Variants in TTC39C observed in about 807,000 individuals in gnomAD.
The protein encoded by TTC39C is tetratricopeptide repeat domain 39C.
In TTC39C, 33 loss-of-function variants were observed where a neutral mutation model predicts 76.3. The observed-to-expected ratio is 0.43, with a 90% CI of 0.33 to 0.58. TTC39C has a LOEUF of 0.58. Ranked by LOEUF, TTC39C falls within the 20% of genes least tolerant of loss-of-function variation. TTC39C has a pLI of 0.04. For synonymous variants in TTC39C, 254 were observed against 260.6 expected, an observed-to-expected ratio of 0.97 and a Z score of 0.24; for missense variants, 595 against 701.4, an observed-to-expected ratio of 0.85 and a Z score of 1.71.
chr18:24,052,199 A>T (rs1186024886), intron 1 of TTC39C, among the ~76,000 whole-genome samples: 1 of 152,172 alleles, frequency 6.6e-6, no homozygotes, highest in East Asian at 1.9e-4. Context: ...GTGACAAGGG[A>T]TGATGACGTG....
chr18:24,009,388 C>T (rs2083378992), intron 1 of TTC39C, among the ~76,000 whole-genome samples: 1 of 152,130 alleles, frequency 6.6e-6, no homozygotes, highest in Non-Finnish European at 1.5e-5. Flanking sequence ...ACGGCCTCTC[C>T]CTCTGCAGAA....
rs755033667 is a variant in TTC39C at position 24,123,861 on chromosome 18, A to G, written c.1214A>G (p.Asp405Gly). The G allele has an allele frequency of 2.5e-6, 4 of 1,612,004 alleles. No individual in the cohort carries two copies. The highest frequency in any genetic ancestry group is 1.1e-5 in the South Asian group (1 of 90,942). ...AVCQGATGDV[D>G]GAQIVFKEVQ... ...TGTCAGGGAGCCACTGGTGATGTGG[A>G]TGGGGCACAGATTGTCTTTAAAGAA... The change falls in exon 9 of 14, where the codon GAT (aspartate) becomes GGT (glycine). Residue 405 changes from aspartate (D) to glycine (G), a missense_variant. Physicochemically the swap from Asp to Gly is moderately conservative, Grantham distance 94 (BLOSUM62 -1). Coordinates refer to ENST00000317571, the MANE Select transcript of TTC39C (RefSeq NM_001135993.2).
intron 12 of TTC39C, among the ~76,000 whole-genome samples, chr18:24,131,017 C>T (rs1475255216): frequency 2.0e-5 from 1 of 50,560 alleles, no homozygotes; most frequent in Non-Finnish European, 3.5e-5. Context: ...AACCTCATCT[C>T]TGCAAAAAAA....
intron 6 of TTC39C, among the ~76,000 whole-genome samples, chr18:24,104,994 G>T (rs1197484140): frequency 6.6e-6 from 1 of 151,336 alleles, no homozygotes; most frequent in Non-Finnish European, 1.5e-5. Context: ...TTGATCAAAA[G>T]ATTGATAGAA....
chr18:24,069,427 A>C (rs896018197), intron 4 of TTC39C, among the ~76,000 whole-genome samples, 156 bp downstream of exon 4: 1 of 152,170 alleles, frequency 6.6e-6, no homozygotes, highest in African/African-American at 2.4e-5. Context: ...TGAAACCACA[A>C]GTGTTTAATG....
intron 1 of TTC39C, among the ~76,000 whole-genome samples, chr18:24,023,974 A>ATCTATATCTATATCTATATCTATATC (rs1568408929): frequency 6.8e-5 from 1 of 14,768 alleles, no homozygotes; most frequent in Non-Finnish European, 1.7e-4. Context: ...ATATATATAT[A>ATCTATATCTATATCTATATCTATATC]TATATACATA....
At chr18:24,001,833 T>TTTTG (rs1352560242) in intron 1 of TTC39C, among the ~76,000 whole-genome samples, 1 of 25,272 alleles carries the variant, frequency 4.0e-5, no homozygotes, top group African/African-American at 7.6e-5. Flanking sequence ...GTTTTTTTTT[T>TTTTG]TTTTTTTTTT....
chr18:23,998,748 A>G (rs888450947), intron 1 of TTC39C, among the ~76,000 whole-genome samples: 8 of 152,328 alleles, frequency 5.3e-5, no homozygotes, highest in Admixed American at 5.2e-4. Context: ...TGCTGCACAG[A>G]AGTGGTATAT....
intron 6 of TTC39C, among the ~76,000 whole-genome samples, chr18:24,109,601 G>A (rs2145802165): frequency 6.6e-6 from 1 of 152,298 alleles, no homozygotes; most frequent in East Asian, 1.9e-4. Flanking sequence ...ATAGTTCAGA[G>A]CACAGGAAAT....
intron 11 of TTC39C, among the ~76,000 whole-genome samples, chr18:24,129,819 C>G (rs908918139): frequency 4.6e-5 from 7 of 150,584 alleles, no homozygotes; most frequent in African/African-American, 1.7e-4. Flanking sequence ...ATAGGAGACT[C>G]TTGGCTTTTA....
intron 1 of TTC39C, chr18:24,020,018 T>A: frequency 7.1e-7 from 1 of 1,415,444 alleles, no homozygotes; most frequent in Non-Finnish European, 9.1e-7. Flanking sequence ...CTGTCCATGA[T>A]TTCTAGACAA....
At chr18:24,052,097 TAGAGA>T (rs1351772744) in intron 1 of TTC39C, among the ~76,000 whole-genome samples, 3 of 152,282 alleles carry the variant, frequency 2.0e-5, no homozygotes, top group Middle Eastern at 6.8e-3. Flanking sequence ...AAAAGAATAC[TAGAGA>T]AGAGAAGATC....
chr18:24,130,746 C>G (rs1156711278), intron 12 of TTC39C, among the ~76,000 whole-genome samples: 4 of 151,972 alleles, frequency 2.6e-5, no homozygotes, highest in African/African-American at 4.8e-5. Context: ...ACTACACAAC[C>G]AGGCTGTATC....
At chr18:24,100,650 T>C (rs1292013135) in intron 6 of TTC39C, among the ~76,000 whole-genome samples, 5 of 152,206 alleles carry the variant, frequency 3.3e-5, no homozygotes, top group Non-Finnish European at 7.3e-5. Flanking sequence ...TGTGTGGCAT[T>C]GTAGAGAGAA....
Position 24,133,238 on chromosome 18 carries a change from A to T in TTC39C, c.*664A>T, listed in dbSNP as rs1390344218. On this transcript the variant is annotated 3_prime_UTR_variant, in exon 14 of 14. Transcript: ENST00000317571. Reference sequence around the variant, plus strand: ...ATTCATGTTAATAGGCCAGAATTCCATGTTTTACTTATTAAAAGAACAAAA... The same window carrying T: ...ATTCATGTTAATAGGCCAGAATTCCTTGTTTTACTTATTAAAAGAACAAAA... 6.6e-6 allele frequency: 1 copy of T among 152,216 alleles called. No homozygotes were observed. The allele number at this position is 152,216 out of a possible 1,614,324, so 9.4% of individuals were successfully genotyped here.
At chr18:24,022,743 G>C (rs1234552683) in intron 1 of TTC39C, 1 of 985,238 alleles carries the variant, frequency 1.0e-6, no homozygotes, top group Non-Finnish European at 1.2e-6. Flanking sequence ...CAGCCTCCTG[G>C]CCTGGCCTCC....
At chr18:24,025,343 G>A (rs1372891310) in intron 1 of TTC39C, among the ~76,000 whole-genome samples, 1 of 152,162 alleles carries the variant, frequency 6.6e-6, no homozygotes, top group African/African-American at 2.4e-5. Context: ...GGAGCTTTCA[G>A]TATCCCTATT....
At chr18:24,057,357 A>G (rs560950926) in intron 1 of TTC39C, among the ~76,000 whole-genome samples, 2 of 152,342 alleles carry the variant, frequency 1.3e-5, no homozygotes, top group African/African-American at 2.4e-5. Flanking sequence ...TGTCATAAGG[A>G]AAAACTTACA....
At chr18:24,072,772 A>G (rs2084257357) in intron 4 of TTC39C, among the ~76,000 whole-genome samples, 1 of 152,256 alleles carries the variant, frequency 6.6e-6, no homozygotes, top group African/African-American at 2.4e-5. Context: ...TTTTTAAAAC[A>G]TATTTTATGG....
Sources: gnomAD v4.1 joint callset for allele counts (sites outside exome capture counted in the v4.1 genomes callset) on GRCh38, gnomAD v4.1.1 for gene constraint, MANE v1.5 for transcripts, NCBI Gene and HGNC (gene_info 2026-07-23, HGNC 2026-07-21) for gene names.